The following SV2B variants were observed in gnomAD, a reference collection of about 807,000 sequenced individuals.
SV2B encodes solute carrier family 22 member B2.
A neutral mutation model predicts 73.9 loss-of-function variants in SV2B; 41 were observed. The observed-to-expected ratio is 0.56, with a 90% CI of 0.43 to 0.72. The LOEUF (loss-of-function observed/expected upper bound fraction) is 0.72, where lower values mean the gene tolerates loss of function less well. Ranked by LOEUF, SV2B falls within the 30% of genes least tolerant of loss-of-function variation. SV2B has a pLI of 0.00. For missense variants in SV2B, 764 were observed against 857.8 expected, an observed-to-expected ratio of 0.89 and a Z score of 1.37; for synonymous variants, 314 against 314.2, an observed-to-expected ratio of 1.00 and a Z score of 0.01.
At position 91,289,749 on chromosome 15, in the gene SV2B, C is replaced by T; in HGVS notation, c.1868+69C>T. The T allele has an allele frequency of 6.6e-7, 1 of 1,524,508 alleles. No individual in the cohort carries two copies. Among genetic ancestry groups the T allele is most frequent in the Non-Finnish European group, 8.9e-7 (1 of 1,125,436 alleles). The allele number at this position is 1,524,508 out of a possible 1,614,324, so 94.4% of individuals were successfully genotyped here. On this transcript the variant is annotated intron_variant, in intron 12 of 12. Coordinates refer to ENST00000394232, the MANE Select transcript of SV2B (RefSeq NM_001323032.3). The surrounding 1 kb of genome is among the most constrained non-coding windows in gnomAD (Gnocchi z 4.9). ...CTTTGGCCAGAAGTCTACCTGCTCC[C>T]TAAATCTCATGCTGTGCATGGCCAT... is the stretch of plus-strand genomic sequence containing the variant.
chr15:91,274,307 G>T (rs1032533316), intron 9 of SV2B, among the ~76,000 whole-genome samples: 3 of 152,132 alleles, frequency 2.0e-5, no homozygotes, highest in Non-Finnish European at 4.4e-5. Context: ...TGTATATTTA[G>T]CTTATACTGT....
rs183203410 is a variant in SV2B, at chr15:91,253,892, A to G, written c.784+1372A>G. Among the ~76,000 whole-genome samples the G allele has an allele frequency of 1.2e-4, 18 of 152,332 alleles. No homozygotes were observed. Among genetic ancestry groups the G allele is most frequent in the Non-Finnish European group, 1.5e-5 (1 of 68,024 alleles). ...TTGGGAACACCATGTTGTCTTTGCC[A>G]TATCTAGTACTTGAAAATCCACTGG... On this transcript the variant is annotated intron_variant, in intron 4 of 12. Coordinates refer to ENST00000394232, the MANE Select transcript of SV2B (RefSeq NM_001323032.3). The surrounding 1 kb of genome is among the most constrained non-coding windows in gnomAD (Gnocchi z 5.0).
At chr15:91,183,873 G>T (rs2044675320) in intron 1 of SV2B, among the ~76,000 whole-genome samples, 1 of 152,118 alleles carries the variant, frequency 6.6e-6, no homozygotes, top group Non-Finnish European at 1.5e-5. Context: ...TTTTCCTCCT[G>T]GCTTTTGAAA....
chr15:91,158,723 C>CTT (rs1555473898), intron 1 of SV2B, among the ~76,000 whole-genome samples: 1 of 57,470 alleles, frequency 1.7e-5, no homozygotes, highest in Non-Finnish European at 3.8e-5. Context: ...CCTCTCCTCT[C>CTT]CTCTCTTCTC....
chr15:91,252,692 A>T lies in SV2B; in HGVS notation c.784+172A>T, dbSNP rs911226242. Among the ~76,000 whole-genome samples the T allele has an allele frequency of 6.6e-6, 1 of 152,074 alleles. No homozygotes were observed. The highest frequency in any genetic ancestry group is 2.4e-5 in the African/African-American group (1 of 41,398). ...CAGACACATTGTTAATTTCAATTCA[A>T]TGTCTTTTTTGAAAAATATATCCTG... On this transcript the variant is annotated intron_variant, in intron 4 of 12. Coordinates refer to ENST00000394232, the MANE Select transcript of SV2B (RefSeq NM_001323032.3). The surrounding 1 kb of genome is among the most constrained non-coding windows in gnomAD (Gnocchi z 4.6).
rs2045277132 is a variant in SV2B, at chr15:91,197,208, TTTTTTG to T, written c.-391-28659_-391-28654del. Among the ~76,000 whole-genome samples, 2 of 148,568 alleles carry T rather than the reference TTTTTTG, an allele frequency of 1.3e-5. No individual in the cohort carries two copies. The highest frequency in any genetic ancestry group is 5.3e-5 in the African/African-American group (2 of 37,912). On this transcript the variant is annotated intron_variant, in intron 1 of 12. Coordinates refer to ENST00000394232, the MANE Select transcript of SV2B (RefSeq NM_001323032.3). This position sits in a 1 kb window ranked among gnomAD's most constrained non-coding sequence, Gnocchi z 4.9. ...GTGATCATTGTTTTGTTTTTGTGTTTTTTTTGTTTTTTGTTTTGTTTTGTTTTGTTT... is the reference window on the plus strand; with the variant it reads ...GTGATCATTGTTTTGTTTTTGTGTTTTTTTTTGTTTTGTTTTGTTTTGTTT...
intron 1 of SV2B, among the ~76,000 whole-genome samples, chr15:91,198,715 G>A (rs1418963856): frequency 1.3e-5 from 2 of 152,238 alleles, no homozygotes; most frequent in African/African-American, 2.4e-5. Flanking sequence ...TACGGAGAAA[G>A]CAATAATCTG....
Position 91,122,499 on chromosome 15 carries a change from C to A in SV2B, c.-392+22136C>A, listed in dbSNP as rs565186776. ...TAAGCCATTTGGACACCTCACCCTG[C>A]TTCTCCTTCTCTGCCAACATGCATG... On this transcript the variant is annotated intron_variant, in intron 1 of 12. Transcript: ENST00000394232. This position sits in a 1 kb window ranked among gnomAD's most constrained non-coding sequence, Gnocchi z 4.3. 1.8e-4 allele frequency among the ~76,000 whole-genome samples: 28 copies of A among 152,338 alleles called. No individual in the cohort carries two copies. The highest frequency in any genetic ancestry group is 6.7e-4 in the African/African-American group (28 of 41,586).
chr15:91,183,756 G>C (rs558656133), intron 1 of SV2B, among the ~76,000 whole-genome samples: 2 of 152,304 alleles, frequency 1.3e-5, no homozygotes, highest in African/African-American at 2.4e-5. Context: ...TGAGCAAACA[G>C]ATCAAAGAAG....
Position 91,289,333 on chromosome 15 carries a change from C to A in SV2B, c.1709-188C>A, listed in dbSNP as rs2048963931. ...CTGACCCACGCAGAGGGCTCTAATG[C>A]CATGTCTGGGGTGCCTTGTGAGGAT... On this transcript the variant is annotated intron_variant, in intron 11 of 12. Transcript: ENST00000394232. This position sits in a 1 kb window ranked among gnomAD's most constrained non-coding sequence, Gnocchi z 4.9. 6.6e-6 allele frequency among the ~76,000 whole-genome samples: 1 copy of A among 152,148 alleles called. No homozygotes were observed. The highest frequency in any genetic ancestry group is 1.5e-5 in the Non-Finnish European group (1 of 68,020).
At chr15:91,100,035 CAGA>C (rs1436772869), upstream of SV2B, 1 of 152,360 alleles carries the variant, frequency 6.6e-6, no homozygotes, top group Admixed American at 6.5e-5. This position sits in a 1 kb window ranked among gnomAD's most constrained non-coding sequence, Gnocchi z 6.4. Context: ...AGCCTTCGAT[CAGA>C]AGGAGATTTA....
chr15:91,268,415 G>A lies in SV2B; in HGVS notation c.1209-26G>A. 6.3e-7 allele frequency: 1 copy of A among 1,597,854 alleles called. No homozygotes were observed. The highest frequency in any genetic ancestry group is 1.7e-5 in the Admixed American group (1 of 59,396). ...TGAAAGAATGAATCCTGTTGTTGTT[G>A]CAACCTTCTGCCTTCTCCACTCCAG... is the stretch of plus-strand genomic sequence containing the variant. On this transcript the variant is annotated intron_variant, in intron 8 of 12. Transcript: ENST00000394232. The surrounding 1 kb of genome is among the most constrained non-coding windows in gnomAD (Gnocchi z 4.4).
chr15:91,137,548 G>A lies in SV2B; in HGVS notation c.-392+37185G>A, dbSNP rs902013796. Among the ~76,000 whole-genome samples, 2 of 146,072 alleles carry A rather than the reference G, an allele frequency of 1.4e-5. No homozygotes were observed. Among genetic ancestry groups the A allele is most frequent in the Admixed American group, 1.4e-4 (2 of 14,500 alleles). On this transcript the variant is annotated intron_variant, in intron 1 of 12. Transcript: ENST00000394232. The surrounding 1 kb of genome is among the most constrained non-coding windows in gnomAD (Gnocchi z 4.9). ...ATTAGATTTTATTCCAAAACTACAGGACAAAACTAGGAAAATGTGAAATAT... is the reference window on the plus strand; with the variant it reads ...ATTAGATTTTATTCCAAAACTACAGAACAAAACTAGGAAAATGTGAAATAT...
chr15:91,160,680 C>T (rs144744596), intron 1 of SV2B, among the ~76,000 whole-genome samples: 20 of 152,126 alleles, frequency 1.3e-4, no homozygotes, highest in African/African-American at 3.4e-4. Flanking sequence ...GACAAATAAT[C>T]GGTGGACTTC....
In SV2B at chr15:91,261,301, G is replaced by A. The variant is rs2047902357; in HGVS notation, c.1008+892G>A. On this transcript the variant is annotated intron_variant, in intron 6 of 12. Coordinates refer to ENST00000394232, the MANE Select transcript of SV2B (RefSeq NM_001323032.3). This position sits in a 1 kb window ranked among gnomAD's most constrained non-coding sequence, Gnocchi z 4.7. ...ACAGAAATAAACAGATTTCTCTGGG[G>A]ATAAGCATATGTATGTATATTTATG... 6.6e-6 allele frequency among the ~76,000 whole-genome samples: 1 copy of A among 151,988 alleles called. No homozygotes were observed. Among genetic ancestry groups the A allele is most frequent in the Admixed American group, 6.6e-5 (1 of 15,266 alleles).
At chr15:91,177,217 T>C (rs888323527) in intron 1 of SV2B, among the ~76,000 whole-genome samples, 1 of 152,074 alleles carries the variant, frequency 6.6e-6, no homozygotes, top group Non-Finnish European at 1.5e-5. Context: ...TGCGGCATTA[T>C]TTCTGAGGGC....
intron 1 of SV2B, among the ~76,000 whole-genome samples, chr15:91,125,781 C>CAAAAAAAAAAAAAAAAAAAAAAA (rs200016125): frequency 4.0e-4 from 23 of 57,064 alleles, no homozygotes; most frequent in African/African-American, 6.4e-4. Context: ...TCTCAAGGGG[C>CAAAAAAAAAAAAAAAAAAAAAAA]AAAAAAAAAA....
chr15:91,198,305 C>A (rs1488969976), intron 1 of SV2B, among the ~76,000 whole-genome samples: 1 of 152,256 alleles, frequency 6.6e-6, no homozygotes, highest in African/African-American at 2.4e-5. Flanking sequence ...TGAAATATTT[C>A]TCAATATACT....
chr15:91,225,309 TA>T (rs201496369), intron 1 of SV2B, among the ~76,000 whole-genome samples: 7 of 144,064 alleles, frequency 4.9e-5, no homozygotes, highest in African/African-American at 2.1e-4. Flanking sequence ...TGTTTCCGGC[TA>T]TTTTTTTTGG....
Sources: gnomAD v4.1 joint callset for allele counts (sites outside exome capture counted in the v4.1 genomes callset) on GRCh38, gnomAD v4.1.1 for gene constraint, Gnocchi (gnomAD v3.1) non-coding constraint, MANE v1.5 for transcripts, NCBI Gene and HGNC (gene_info 2026-07-23, HGNC 2026-07-21) for gene names.